The following MCU variants were observed in gnomAD, a reference collection of about 807,000 sequenced individuals.
MCU encodes mitochondrial calcium uniporter.
Under a neutral mutation model 45.2 loss-of-function variants are expected in MCU, and 12 were observed. The observed-to-expected ratio is 0.27, with a 90% CI of 0.17 to 0.43. The LOEUF is 0.43. Among genes scored for constraint, MCU ranks in the 20% least tolerant of loss-of-function variants. The pLI is 1.00. For synonymous variants in MCU, 160 were observed against 165.1 expected, an observed-to-expected ratio of 0.97 and a Z score of 0.24; for missense variants, 324 against 436.7, an observed-to-expected ratio of 0.74 and a Z score of 2.30.
rs532165130 is a variant in MCU, at chr10:72,826,344, G to A, written c.151-8015G>A. 1.3e-3 allele frequency among the ~76,000 whole-genome samples: 203 copies of A among 152,186 alleles called. 2 individuals carry two copies. The highest frequency in any genetic ancestry group is 6.8e-3 in the Middle Eastern group (2 of 294). On this transcript the variant is annotated intron_variant, in intron 1 of 7. Transcript: ENST00000373053. ...AATATAAGCTACTTCAGTTCTATAA[G>A]GAATAGACACAAATGTAACTAACAC...
At chr10:72,704,471 A>C (rs889136119) in intron 1 of MCU, among the ~76,000 whole-genome samples, 1 of 151,926 alleles carries the variant, frequency 6.6e-6, no homozygotes, top group Non-Finnish European at 1.5e-5. Context: ...TTAAAACTGT[A>C]CTGACCTGCT....
At position 72,796,479 on chromosome 10, in the gene MCU, T is replaced by C. The variant is rs1057035087; in HGVS notation, c.151-37880T>C. 2.6e-5 allele frequency among the ~76,000 whole-genome samples: 4 copies of C among 152,142 alleles called. No homozygotes were observed. The East Asian group carries it at 5.8e-4, about 22-fold the overall frequency. ...CTTTAAAACAACAATTAAGGAGATA[T>C]CCTATCGAATACAAAGCCAGAGCTT... On this transcript the variant is annotated intron_variant, in intron 1 of 7. Coordinates refer to ENST00000373053, the MANE Select transcript of MCU (RefSeq NM_138357.3).
chr10:72,803,716 C>T (rs1042625795), intron 1 of MCU, among the ~76,000 whole-genome samples: 1 of 151,604 alleles, frequency 6.6e-6, no homozygotes, highest in Non-Finnish European at 1.5e-5. Flanking sequence ...TCATTTTTAC[C>T]CCCACTCATT....
At chr10:72,776,388 T>A (rs552152627) in intron 1 of MCU, among the ~76,000 whole-genome samples, 8 of 152,304 alleles carry the variant, frequency 5.3e-5, no homozygotes, top group Admixed American at 3.9e-4. Context: ...GTGAAATTCA[T>A]TCCAGTGATA....
intron 1 of MCU, among the ~76,000 whole-genome samples, chr10:72,803,967 A>G (rs1038755026): frequency 3.1e-5 from 4 of 128,930 alleles, no homozygotes; most frequent in Non-Finnish European, 4.8e-5. Flanking sequence ...CAGACATTGT[A>G]TTCTTTCTTA....
intron 1 of MCU, among the ~76,000 whole-genome samples, chr10:72,791,284 C>G (rs933520600): frequency 8.5e-5 from 13 of 152,276 alleles, no homozygotes; most frequent in African/African-American, 2.9e-4. Flanking sequence ...CTGGCTGGCT[C>G]TCTCTTACCA....
At chr10:72,885,498 C>G (rs1013970177) in intron 7 of MCU, among the ~76,000 whole-genome samples, 2 of 152,184 alleles carry the variant, frequency 1.3e-5, no homozygotes, top group Non-Finnish European at 2.9e-5. Context: ...CTGTTGATAG[C>G]ACTGATTTTT....
intron 1 of MCU, among the ~76,000 whole-genome samples, chr10:72,791,614 A>G (rs903500543): frequency 6.6e-6 from 1 of 151,944 alleles, no homozygotes; most frequent in Non-Finnish European, 1.5e-5. Context: ...AGTTATTTTT[A>G]TTTTTATCCC....
chr10:72,711,242 A>G (rs1007115768), intron 1 of MCU, among the ~76,000 whole-genome samples: 22 of 146,952 alleles, frequency 1.5e-4, no homozygotes, highest in African/African-American at 4.7e-4. Flanking sequence ...TTTTTTTGGA[A>G]TGGAGTCTCC....
chr10:72,834,370 G>T lies in MCU; in HGVS notation c.162G>T (p.Arg54Ser), dbSNP rs751350554. The T allele has an allele frequency of 2.5e-6, 4 of 1,613,724 alleles. No homozygotes were observed. The highest frequency in any genetic ancestry group is 3.4e-6 in the Non-Finnish European group (4 of 1,179,744). ...TTTGTGTTTTCTAGGTACACCAGAG[G>T]ATCGCTTCCTGGCAGAATTTGGGAG... ...QQQHHRTVHQ[R>S]IASWQNLGAV... The change falls in exon 2 of 8, where the codon AGG becomes AGT. Residue 54 changes from arginine (R) to serine (S), a missense_variant. Arg to Ser is a moderately radical substitution (Grantham distance 110, BLOSUM62 -1). Transcript: ENST00000373053.
chr10:72,834,262 CTT>C, intron 1 of MCU, 95 bp from the exon 2 acceptor site: 7 of 749,742 alleles, frequency 9.3e-6, no homozygotes, highest in Non-Finnish European at 1.4e-5. Flanking sequence ...ATGCATATTA[CTT>C]AAGTAATCAT....
intron 4 of MCU, chr10:72,861,826 A>G: frequency 3.4e-6 from 1 of 297,146 alleles, no homozygotes; most frequent in South Asian, 2.6e-5. Flanking sequence ...GTACTATTTT[A>G]AAAAACCAGA....
intron 1 of MCU, among the ~76,000 whole-genome samples, chr10:72,790,889 A>G (rs1484152112): frequency 6.6e-6 from 1 of 152,222 alleles, no homozygotes; most frequent in Admixed American, 6.5e-5. Flanking sequence ...ACAGAGAACT[A>G]AGAAACAAGG....
intron 6 of MCU, among the ~76,000 whole-genome samples, chr10:72,882,472 C>G (rs924459999): frequency 6.6e-6 from 1 of 152,034 alleles, no homozygotes; most frequent in African/African-American, 2.4e-5. Flanking sequence ...GAGAATGCAC[C>G]CCTGAGGTTG....
At chr10:72,884,083 T>C (rs1006920077) in intron 6 of MCU, among the ~76,000 whole-genome samples, 183 bp from the exon 7 acceptor site, 8 of 152,210 alleles carry the variant, frequency 5.3e-5, no homozygotes, top group Admixed American at 5.2e-4. Flanking sequence ...CACTGTGATG[T>C]ACATTTTGTG....
rs745625145 is a variant in MCU at position 72,692,218 on chromosome 10, G to A, written c.67G>A (p.Ala23Thr). ...LSSRGGGGGG[A>T]GGCGALTAGC... ...CTCTCGGGGCGGCGGCGGCGGGGGC[G>A]CCGGCGGCTGCGGGGCGCTGACTGC... is the stretch of plus-strand genomic sequence containing the variant. The change falls in exon 1 of 8, where the codon GCC (alanine) becomes ACC (threonine). Residue 23 changes from alanine to threonine, a missense_variant. Ala to Thr is a moderately conservative substitution (Grantham distance 58). Transcript: ENST00000373053. The A allele has an allele frequency of 5.2e-5, 65 of 1,247,354 alleles. No homozygotes were observed. In the South Asian group the frequency reaches 1.1e-3, roughly 21 times the overall value. 77.3% of individuals were successfully genotyped at this position (1,247,354 alleles called of 1,614,324 possible).
At chr10:72,803,189 A>G (rs1183838771) in intron 1 of MCU, among the ~76,000 whole-genome samples, 3 of 151,856 alleles carry the variant, frequency 2.0e-5, no homozygotes, top group Non-Finnish European at 2.9e-5. Context: ...CATACAGTAG[A>G]TGGTTTGTTG....
In MCU at chr10:72,886,335, TC is replaced by T; in HGVS notation, c.*515del. The T allele has an allele frequency of 1.3e-5, 2 of 153,400 alleles. No homozygotes were observed. The highest frequency in any genetic ancestry group is 4.1e-4 in the South Asian group (2 of 4,870). The allele number at this position is 153,400 out of a possible 1,614,324, so 9.5% of individuals were successfully genotyped here. A position where few individuals can be genotyped will look rare whatever the true frequency, so the allele number is the denominator to read the frequency against. Reference sequence around the variant, plus strand: ...TGCAGAGTTACCAGGAATCTTTCCTTCCAGCATCCCTTTACTGACCACCTAC... The same window carrying T: ...TGCAGAGTTACCAGGAATCTTTCCTTCAGCATCCCTTTACTGACCACCTAC... On this transcript the variant is annotated 3_prime_UTR_variant, in exon 8 of 8. Transcript: ENST00000373053.
chr10:72,884,039 T>G (rs1305377629), intron 6 of MCU, among the ~76,000 whole-genome samples: 1 of 152,154 alleles, frequency 6.6e-6, no homozygotes, highest in Admixed American at 6.6e-5. Flanking sequence ...TTATAAAACC[T>G]GGTGATGAGT....
Sources: allele counts gnomAD v4.1 joint callset (sites outside exome capture counted in the v4.1 genomes callset), GRCh38; gene constraint gnomAD v4.1.1; transcripts MANE v1.5; gene names NCBI Gene and HGNC (gene_info 2026-07-23, HGNC 2026-07-21).